The following COX15 variants were observed in gnomAD, a reference collection of about 807,000 sequenced individuals.
The protein encoded by COX15 is heme A synthase COX15.
COX15 carries 51 observed loss-of-function variants against 51.9 expected under a neutral mutation model. The ratio of observed to expected loss-of-function variants is 0.98; its 90% confidence interval spans 0.78 to 1.24. The LOEUF is 1.24. Ranked by LOEUF, COX15 falls within the 50% of genes most tolerant of loss-of-function variation. COX15 has a pLI of 0.00. For missense variants in COX15, 420 were observed against 501.1 expected (o/e 0.84, Z 1.55); for synonymous variants, 188 against 190.5 (o/e 0.99, Z 0.11).
At chr10:99,698,190 AC>A in the COX15 span, among the ~76,000 whole-genome samples, 2 of 152,070 alleles carry the variant, frequency 1.3e-5, no homozygotes, top group African/African-American at 4.8e-5. Context: ...AAACATTAGA[AC>A]CACACTCCGC....
At chr10:99,718,794 T>A (rs1204380754) in intron 6 of COX15, among the ~76,000 whole-genome samples, 1 of 151,978 alleles carries the variant, frequency 6.6e-6, no homozygotes, top group Non-Finnish European at 1.5e-5. Context: ...CTTAGAAAAA[T>A]TCCCTTAGTG....
the COX15 span, chr10:99,704,947 C>T: frequency 1.2e-4 from 58 of 488,846 alleles, no homozygotes; most frequent in Admixed American, 6.6e-4. Context: ...AAGCAGGCTT[C>T]GACTCCTTCT....
rs2036360983 is a variant in COX15 at position 99,710,913 on chromosome 10, T to A, written c.*3674A>T. 1 of 985,234 alleles carries A rather than the reference T, an allele frequency of 1.0e-6. No homozygotes were observed. The highest frequency in any genetic ancestry group is 1.2e-6 in the Non-Finnish European group (1 of 829,836). 61.0% of individuals were successfully genotyped at this position (985,234 alleles called of 1,614,324 possible). A position where few individuals can be genotyped will look rare whatever the true frequency, so the allele number is the denominator to read the frequency against. ...AATTTCCTTCATGTTTTAAAAACAA[T>A]GGACGTAAGTGCAGAGAGACCTTTG... On this transcript the variant is annotated 3_prime_UTR_variant, in exon 9 of 9. Transcript: ENST00000016171.
the COX15 span, among the ~76,000 whole-genome samples, chr10:99,701,560 T>G: frequency 6.6e-6 from 1 of 151,620 alleles, no homozygotes; most frequent in Non-Finnish European, 1.5e-5. Flanking sequence ...AGTGCTAGGA[T>G]TACAGGTATG....
At chr10:99,716,766 T>C in intron 7 of COX15, 1 of 343,278 alleles carries the variant, frequency 2.9e-6, no homozygotes, top group Non-Finnish European at 5.7e-6. Flanking sequence ...TCATTTTTAA[T>C]TCTTTGCATC....
intron 1 of COX15, among the ~76,000 whole-genome samples, chr10:99,731,522 T>G (rs1199510986): frequency 6.6e-6 from 1 of 152,224 alleles, no homozygotes; most frequent in Non-Finnish European, 1.5e-5. Context: ...TCTGATTAAC[T>G]GAGTCACCTT....
At chr10:99,723,883 T>C in intron 5 of COX15, 73 bp downstream of exon 5, 3 of 1,527,112 alleles carry the variant, frequency 2.0e-6, no homozygotes, top group Non-Finnish European at 2.7e-6. Context: ...ATCCAGCAAT[T>C]CTACTTCTAG....
At chr10:99,714,799 C>A in intron 8 of COX15, 81 bp from the exon 9 acceptor site, 1 of 1,600,730 alleles carries the variant, frequency 6.2e-7, no homozygotes. Flanking sequence ...GATAACCACA[C>A]ACAAACCTCC....
At chr10:99,720,291 A>C (rs2036718859) in intron 6 of COX15, among the ~76,000 whole-genome samples, 1 of 152,156 alleles carries the variant, frequency 6.6e-6, no homozygotes, top group Non-Finnish European at 1.5e-5. Flanking sequence ...CTAAAAATAC[A>C]AAAATCAGCT....
At position 99,718,451 on chromosome 10, in the gene COX15, G is replaced by T. The variant is rs1207329794; in HGVS notation, c.882C>A (p.Pro294=). ...CCGGGATCCAGGATTCTCCCATTTT[G>T]GGAAAGGAGTTATAAACAAGCCCAG... ...LDAGLVYNSF[P]KMGESWIPED... is the part of the protein sequence containing the mutation. The change falls in exon 7 of 9, where the codon CCC becomes CCA. Residue 294 remains proline (P), a synonymous_variant. Transcript: ENST00000016171. 1.9e-6 allele frequency: 3 copies of T among 1,613,992 alleles called. No individual in the cohort carries two copies. In the African/African-American group the frequency reaches 4.0e-5, roughly 22 times the overall value.
At chr10:99,696,691 CAGT>C in the COX15 span, among the ~76,000 whole-genome samples, 5 of 152,298 alleles carry the variant, frequency 3.3e-5, no homozygotes, top group South Asian at 6.2e-4. Context: ...AATGTACAAA[CAGT>C]GGTGGGATTT....
chr10:99,713,239 G>C lies in COX15; in HGVS notation c.*1348C>G. 1.4e-6 allele frequency: 2 copies of C among 1,416,302 alleles called. No homozygotes were observed. The highest frequency in any genetic ancestry group is 1.9e-6 in the Non-Finnish European group (2 of 1,061,712). The allele number at this position is 1,416,302 out of a possible 1,614,324, so 87.7% of individuals were successfully genotyped here. A position where few individuals can be genotyped will look rare whatever the true frequency, so the allele number is the denominator to read the frequency against. ...AACTAAAATCCCGTCTTTTTTATAT[G>C]AAATGATATAAGGCCAGGTTTCTTC... On this transcript the variant is annotated 3_prime_UTR_variant, in exon 9 of 9. Transcript: ENST00000016171.
chr10:99,713,442 T>G lies in COX15; in HGVS notation c.*1145A>C. ...GATGTTTCTGATGCCTTCATCCAAA[T>G]CACTGATTTTAAAAGTAAAGTTGAA... is the stretch of plus-strand genomic sequence containing the variant. On this transcript the variant is annotated 3_prime_UTR_variant, in exon 9 of 9. Coordinates refer to ENST00000016171, the MANE Select transcript of COX15 (RefSeq NM_078470.6). 1 of 1,613,914 alleles carries G rather than the reference T, an allele frequency of 6.2e-7. No homozygotes were observed.
the COX15 span, among the ~76,000 whole-genome samples, chr10:99,694,385 A>G: frequency 0.85 from 128,708 of 152,190 alleles, 54,631 homozygotes; most frequent in Middle Eastern, 0.92. Context: ...TTTAATGGCT[A>G]AACAGCATTC....
intron 4 of COX15, among the ~76,000 whole-genome samples, chr10:99,726,715 G>A (rs2036961365): frequency 6.6e-6 from 1 of 151,828 alleles, no homozygotes; most frequent in Admixed American, 6.6e-5. Flanking sequence ...GTGAAACCCC[G>A]TCTCTACTAA....
chr10:99,722,123 C>T (rs2036794981), intron 5 of COX15, among the ~76,000 whole-genome samples: 1 of 152,164 alleles, frequency 6.6e-6, no homozygotes, highest in Non-Finnish European at 1.5e-5. Flanking sequence ...GCCTCAGCCT[C>T]CCAAAGTGCT....
chr10:99,710,138 C>T (rs1179610602), downstream of COX15: 5 of 985,278 alleles, frequency 5.1e-6, no homozygotes, highest in Admixed American at 6.1e-5. Context: ...GGTGGCCACT[C>T]CTCCTTCTCC....
In COX15 at chr10:99,729,743, CAAGATA is replaced by C; in HGVS notation, c.91-15_91-10del. 6.2e-7 allele frequency: 1 copy of C among 1,613,810 alleles called. No homozygotes were observed. Among genetic ancestry groups the C allele is most frequent in the South Asian group, 1.1e-5 (1 of 91,062 alleles). ...CGCCTGATGCAATCACACTAAAGAT[CAAGATA>C]GACAAATTACAACTGGAGAAACAGG... On this transcript the variant is annotated splice_polypyrimidine_tract_variant and intron_variant, in intron 1 of 8. Coordinates refer to ENST00000016171, the MANE Select transcript of COX15 (RefSeq NM_078470.6).
chr10:99,727,588 G>A, intron 2 of COX15, 25 bp from the exon 3 acceptor site: 14 of 1,611,790 alleles, frequency 8.7e-6, no homozygotes, highest in South Asian at 2.2e-5. Context: ...GAAATTTTGG[G>A]GTGTATGCGT....
Sources: allele counts gnomAD v4.1 joint callset (sites outside exome capture counted in the v4.1 genomes callset), GRCh38; gene constraint gnomAD v4.1.1; transcripts MANE v1.5; gene names NCBI Gene and HGNC (gene_info 2026-07-23, HGNC 2026-07-21).